The following TMEM132D variants were observed in gnomAD, a reference collection of about 807,000 sequenced individuals.
TMEM132D encodes mature OL transmembrane protein.
In TMEM132D, 21 loss-of-function variants were observed where a neutral mutation model predicts 62.3. That is an observed-to-expected ratio of 0.34 (90% CI 0.24 to 0.49). TMEM132D has a LOEUF of 0.49. Among genes scored for constraint, TMEM132D ranks in the 20% least tolerant of loss-of-function variants. The pLI is 0.99. For missense variants in TMEM132D, 1,346 were observed against 1,402.8 expected (o/e 0.96, Z 0.65); for synonymous variants, 621 against 575.6 (o/e 1.08, Z -1.13).
At chr12:129,395,977 AAT>A (rs1012795111) in intron 3 of TMEM132D, among the ~76,000 whole-genome samples, 3 of 147,096 alleles carry the variant, frequency 2.0e-5, no homozygotes, top group African/African-American at 7.4e-5. Flanking sequence ...ATATCATATA[AAT>A]ATATATTATA....
In TMEM132D at chr12:129,559,002, G is replaced by T. The variant is rs1453026996; in HGVS notation, c.969-27797C>A. ...CTCCTCCTACTTTGTTGAATGCAAAGAATCAGAAATTACATGGATGCCAAA... is the reference window on the plus strand; with the variant it reads ...CTCCTCCTACTTTGTTGAATGCAAATAATCAGAAATTACATGGATGCCAAA... On this transcript the variant is annotated intron_variant, in intron 2 of 8. Coordinates refer to ENST00000422113, the MANE Select transcript of TMEM132D (RefSeq NM_133448.3). 2.0e-5 allele frequency among the ~76,000 whole-genome samples: 3 copies of T among 152,168 alleles called. No homozygotes were observed. The East Asian group carries it at 5.8e-4, about 29-fold the overall frequency.
intron 3 of TMEM132D, among the ~76,000 whole-genome samples, chr12:129,433,648 T>C (rs2135717603): frequency 6.6e-6 from 1 of 152,136 alleles, no homozygotes; most frequent in Non-Finnish European, 1.5e-5. Flanking sequence ...AGCAAGAGTA[T>C]CCCCCAGAAA....
At chr12:129,076,363 C>T (rs555866235) in intron 8 of TMEM132D, among the ~76,000 whole-genome samples, 2 of 152,286 alleles carry the variant, frequency 1.3e-5, no homozygotes, top group South Asian at 4.1e-4. Context: ...CCCTATAATC[C>T]TCATAACACA....
chr12:129,353,836 A>G (rs1869950554), intron 3 of TMEM132D, among the ~76,000 whole-genome samples: 1 of 151,800 alleles, frequency 6.6e-6, no homozygotes, highest in South Asian at 2.1e-4. Flanking sequence ...GCCTCTACAT[A>G]CAGCTCAAAC....
At chr12:129,254,716 C>T (rs1203076068) in intron 4 of TMEM132D, among the ~76,000 whole-genome samples, 7 of 152,250 alleles carry the variant, frequency 4.6e-5, no homozygotes, top group Non-Finnish European at 7.4e-5. Flanking sequence ...GCACAGGCAC[C>T]GCCAAGGCAC....
At chr12:129,366,306 T>C (rs1374355719) in intron 3 of TMEM132D, among the ~76,000 whole-genome samples, 3 of 152,156 alleles carry the variant, frequency 2.0e-5, no homozygotes, top group African/African-American at 4.8e-5. Context: ...GGATTTCTCA[T>C]GAATTCTTTA....
chr12:129,662,065 G>A (rs73432246), intron 2 of TMEM132D, among the ~76,000 whole-genome samples: 5,049 of 152,310 alleles, frequency 0.033, 226 homozygotes, highest in African/African-American at 0.096. Context: ...AGCAGGTGGA[G>A]TAAGCTATAC....
At position 129,700,571 on chromosome 12, in the gene TMEM132D, G is replaced by T. The variant is rs1430772059; in HGVS notation, c.207C>A (p.Ile69=). The T allele has an allele frequency of 6.2e-7, 1 of 1,614,048 alleles. No individual in the cohort carries two copies. The change falls in exon 2 of 9, where the codon ATC becomes ATA. Residue 69 remains isoleucine, a synonymous_variant. Transcript: ENST00000422113. ...GGGACTGCAGGCTGGAGTTCCTCAT[G>T]ATATCCTGGTTGGCCTCCTTCAGGA... ...SFFLKEANQD[I]MRNSSLQSRV... is the part of the protein sequence containing the mutation.
chr12:129,173,015 G>A (rs961805070), intron 5 of TMEM132D, among the ~76,000 whole-genome samples: 1 of 152,168 alleles, frequency 6.6e-6, no homozygotes. Context: ...GGTGGGATTT[G>A]TGGGGCCCTA....
intron 3 of TMEM132D, among the ~76,000 whole-genome samples, chr12:129,391,018 A>AGTAC (rs1257061953): frequency 6.6e-6 from 1 of 152,214 alleles, no homozygotes; most frequent in African/African-American, 2.4e-5. Context: ...CACACAGTAC[A>AGTAC]GTACGTACTC....
chr12:129,084,001 A>C (rs1874533428), intron 6 of TMEM132D, among the ~76,000 whole-genome samples: 1 of 152,194 alleles, frequency 6.6e-6, no homozygotes, highest in Non-Finnish European at 1.5e-5. Flanking sequence ...GAGGCAGTTC[A>C]GGTCAGGTTG....
At chr12:129,725,553 A>G (rs1562939) in intron 1 of TMEM132D, among the ~76,000 whole-genome samples, 124,213 of 152,196 alleles carry the variant, frequency 0.82, 51,381 homozygotes, top group Non-Finnish European at 0.9. Context: ...GCAGTGAGCA[A>G]ACTCAACCCT....
At chr12:129,189,183 G>A (rs978302882) in intron 5 of TMEM132D, among the ~76,000 whole-genome samples, 2 of 152,130 alleles carry the variant, frequency 1.3e-5, no homozygotes, top group Non-Finnish European at 2.9e-5. Context: ...TGAAGCCGTT[G>A]GAGGGAAGCC....
chr12:129,604,619 T>C (rs1425188355), intron 2 of TMEM132D, among the ~76,000 whole-genome samples: 5 of 152,206 alleles, frequency 3.3e-5, no homozygotes, highest in African/African-American at 1.2e-4. Context: ...GTAATTGTTT[T>C]CAGTTGAATT....
At chr12:129,736,288 T>C (rs61945255) in intron 1 of TMEM132D, among the ~76,000 whole-genome samples, 5,742 of 152,334 alleles carry the variant, frequency 0.038, 153 homozygotes, top group South Asian at 0.092. Flanking sequence ...TATTTTCTCT[T>C]GATGTTGGTT....
intron 4 of TMEM132D, among the ~76,000 whole-genome samples, chr12:129,243,687 T>G (rs1053009539): frequency 1.3e-5 from 2 of 152,230 alleles, no homozygotes; most frequent in Admixed American, 1.3e-4. Flanking sequence ...CTGGCAAGAT[T>G]TGATTTCAAT....
intron 7 of TMEM132D, among the ~76,000 whole-genome samples, chr12:129,080,554 C>T (rs971541569): frequency 2.0e-5 from 3 of 152,222 alleles, no homozygotes; most frequent in Admixed American, 6.5e-5. Context: ...AAATCTTCCA[C>T]GATCCAATCT....
intron 5 of TMEM132D, among the ~76,000 whole-genome samples, chr12:129,164,166 C>G (rs1877475618): frequency 6.6e-6 from 1 of 152,214 alleles, no homozygotes; most frequent in South Asian, 2.1e-4. Context: ...AGCCTGGAAG[C>G]TGGTGGGAGA....
intron 3 of TMEM132D, among the ~76,000 whole-genome samples, chr12:129,457,433 C>A (rs970115317): frequency 1.7e-5 from 2 of 120,580 alleles, no homozygotes; most frequent in African/African-American, 5.9e-5. Context: ...CACACCGGGG[C>A]CTGTTGTGGG....
Sources: gnomAD v4.1 joint callset for allele counts (sites outside exome capture counted in the v4.1 genomes callset) on GRCh38, gnomAD v4.1.1 for gene constraint, MANE v1.5 for transcripts, NCBI Gene and HGNC (gene_info 2026-07-23, HGNC 2026-07-21) for gene names.